The following CTNNA2 variants were observed in gnomAD, a reference collection of about 807,000 sequenced individuals.
CTNNA2 encodes the protein catenin alpha-2.
Under a neutral mutation model 101.0 loss-of-function variants are expected in CTNNA2, and 42 were observed. The ratio of observed to expected loss-of-function variants is 0.42; its 90% CI spans 0.32 to 0.54. The LOEUF (loss-of-function observed/expected upper bound fraction) is 0.54. CTNNA2 is among the 20% of genes least tolerant of loss of function. CTNNA2 has a pLI of 0.14. For synonymous variants in CTNNA2, 450 were observed against 456.4 expected (o/e 0.99, Z 0.18); for missense variants, 871 against 1,223.1 (o/e 0.71, Z 4.29).
chr2:80,522,181 T>C (rs749468520), intron 9 of CTNNA2, among the ~76,000 whole-genome samples: 6 of 152,324 alleles, frequency 3.9e-5, no homozygotes, highest in South Asian at 2.1e-4. Context: ...ACAGTTTTCA[T>C]GGAGCTCTAC....
chr2:79,628,119 T>C lies in CTNNA2; in HGVS notation c.-5-23433T>C, dbSNP rs189937793. ...TTGGTATTTTGACCTAGGTTTTTCC[T>C]ATTCCAGAAACGTGTTTTTTAAACA... On this transcript the variant is annotated intron_variant, in intron 1 of 18. Coordinates refer to ENST00000402739, the MANE Select transcript of CTNNA2 (RefSeq NM_001282597.3). Among the ~76,000 whole-genome samples, 681 of 152,292 alleles carry C rather than the reference T, an allele frequency of 4.5e-3. 5 individuals are homozygous for C. The highest frequency in any genetic ancestry group is 4.7e-3 in the Non-Finnish European group (320 of 68,024).
At chr2:79,736,779 A>G (rs1377846113) in intron 2 of CTNNA2, among the ~76,000 whole-genome samples, 1 of 152,198 alleles carries the variant, frequency 6.6e-6, no homozygotes, top group African/African-American at 2.4e-5. Context: ...AATTCCCAAA[A>G]GCTTAGTACT....
chr2:79,700,314 T>C (rs1052342048), intron 2 of CTNNA2, among the ~76,000 whole-genome samples: 13 of 152,134 alleles, frequency 8.5e-5, no homozygotes, highest in Non-Finnish European at 7.4e-5. Context: ...AAGGGAATAG[T>C]AAGGTTTGCT....
intron 9 of CTNNA2, among the ~76,000 whole-genome samples, chr2:80,511,086 T>G (rs533772956): frequency 6.6e-6 from 1 of 152,276 alleles, no homozygotes; most frequent in African/African-American, 2.4e-5. Flanking sequence ...GAGCCAAAGT[T>G]TTTGCTTTGG....
chr2:80,290,751 C>T (rs1675170218), intron 7 of CTNNA2, among the ~76,000 whole-genome samples: 1 of 152,030 alleles, frequency 6.6e-6, no homozygotes, highest in South Asian at 2.1e-4. Context: ...TCCCTCAGTG[C>T]CATTTTGCTC....
chr2:79,327,352 C>T (rs1218358147), intron 3 of CTNNA2, among the ~76,000 whole-genome samples: 1 of 152,042 alleles, frequency 6.6e-6, no homozygotes, highest in African/African-American at 2.4e-5. Context: ...TTGCCATAAC[C>T]CTTGGATCCA....
chr2:80,638,258 C>G lies in CTNNA2; in HGVS notation c.2575-9327C>G, dbSNP rs141052004. Among the ~76,000 whole-genome samples, 300 of 152,244 alleles carry G rather than the reference C, an allele frequency of 2.0e-3. 2 individuals are homozygous for G. Among genetic ancestry groups the G allele is most frequent in the Middle Eastern group, 6.8e-3 (2 of 294 alleles). On this transcript the variant is annotated intron_variant, in intron 18 of 18. Coordinates refer to ENST00000402739, the MANE Select transcript of CTNNA2 (RefSeq NM_001282597.3). ...TGATGCACAGAATCAGAGACAAGAT[C>G]AACAGTTAATGCCTTATGTATTCAT...
chr2:80,640,926 AC>A (rs1341443969), intron 18 of CTNNA2, among the ~76,000 whole-genome samples: 1 of 152,130 alleles, frequency 6.6e-6, no homozygotes, highest in African/African-American at 2.4e-5. Flanking sequence ...TACCCTGAAA[AC>A]CTACTCTAGG....
intron 1 of CTNNA2, among the ~76,000 whole-genome samples, chr2:79,624,240 T>C (rs1679170515): frequency 6.6e-6 from 1 of 152,158 alleles, no homozygotes; most frequent in African/African-American, 2.4e-5. Flanking sequence ...GGGATTCAGC[T>C]GGATATGAAA....
chr2:79,483,468 G>C (rs549631939), intron 4 of CTNNA2, among the ~76,000 whole-genome samples: 101 of 152,130 alleles, frequency 6.6e-4, no homozygotes, highest in Non-Finnish European at 1.3e-3. Context: ...CCATCTGAAG[G>C]TTCAAAAGGG....
rs1395163497 is a variant in CTNNA2 at position 79,514,991 on chromosome 2, T to C, written c.-6+1784T>C. Among the ~76,000 whole-genome samples the C allele has an allele frequency of 2.6e-5, 4 of 152,194 alleles. No individual in the cohort carries two copies. In the East Asian group the frequency reaches 7.7e-4, roughly 29 times the overall value. On this transcript the variant is annotated intron_variant, in intron 1 of 18. Transcript: ENST00000402739. The stretch of plus-strand genomic sequence containing the variant: ...AGGAGTTGAGATGAAGAGAATTGCC[T>C]TCCTAAGTGATTGAGTGCTGATTTG...
intron 2 of CTNNA2, among the ~76,000 whole-genome samples, chr2:79,286,074 A>G (rs1277548091): frequency 6.6e-6 from 1 of 151,498 alleles, no homozygotes; most frequent in African/African-American, 2.4e-5. Context: ...CTAGGATTGC[A>G]ACCCCTGCCT....
intron 4 of CTNNA2, among the ~76,000 whole-genome samples, chr2:79,484,365 C>T (rs943567556): frequency 2.6e-5 from 4 of 152,092 alleles, no homozygotes; most frequent in African/African-American, 7.2e-5. Context: ...TCCCTTTTTG[C>T]TGAACTTCCT....
intron 1 of CTNNA2, among the ~76,000 whole-genome samples, chr2:79,513,709 G>C (rs1280561097): frequency 7.1e-6 from 1 of 140,370 alleles, no homozygotes; most frequent in Non-Finnish European, 1.5e-5. Context: ...GATCGAAGAA[G>C]AATCTGTGGA....
At chr2:79,327,869 C>A (rs1344157347) in intron 3 of CTNNA2, among the ~76,000 whole-genome samples, 1 of 152,152 alleles carries the variant, frequency 6.6e-6, no homozygotes, top group East Asian at 1.9e-4. Context: ...GGCACAGTGT[C>A]TAGCCATCTC....
At chr2:80,222,082 T>A (rs1469063705) in intron 7 of CTNNA2, among the ~76,000 whole-genome samples, 1 of 151,968 alleles carries the variant, frequency 6.6e-6, no homozygotes, top group Non-Finnish European at 1.5e-5. Flanking sequence ...AACCAACACA[T>A]CCCCTTTGCC....
intron 2 of CTNNA2, among the ~76,000 whole-genome samples, chr2:79,711,662 C>T (rs1685747625): frequency 1.3e-5 from 2 of 152,080 alleles, no homozygotes. Context: ...CTCATCAGAA[C>T]ACTGTAGATT....
At chr2:80,403,308 T>TC (rs34258308) in intron 8 of CTNNA2, among the ~76,000 whole-genome samples, 1 of 152,152 alleles carries the variant, frequency 6.6e-6, no homozygotes, top group Non-Finnish European at 1.5e-5. Context: ...AGGAGAAAGT[T>TC]CCCCCGCAAA....
chr2:79,817,592 A>T (rs1402388781), intron 3 of CTNNA2, among the ~76,000 whole-genome samples: 1 of 152,078 alleles, frequency 6.6e-6, no homozygotes, highest in Non-Finnish European at 1.5e-5. Flanking sequence ...TGGCACCAGG[A>T]GACCTCTCTT....
Sources: allele counts gnomAD v4.1 joint callset (sites outside exome capture counted in the v4.1 genomes callset), GRCh38; gene constraint gnomAD v4.1.1; transcripts MANE v1.5; gene names NCBI Gene and HGNC (gene_info 2026-07-23, HGNC 2026-07-21).